Variants in PASD1 observed in about 807,000 individuals in gnomAD.
PASD1 encodes circadian clock protein PASD1.
Under a neutral mutation model 58.8 loss-of-function variants are expected in PASD1, and 13 were observed. That is an observed-to-expected ratio of 0.22 (90% CI 0.14 to 0.35). The LOEUF (loss-of-function observed/expected upper bound fraction) is 0.35, where lower values mean the gene tolerates loss of function less well. Ranked by LOEUF, PASD1 falls within the 10% of genes least tolerant of loss-of-function variation. The pLI is 1.00. For synonymous variants in PASD1, 236 were observed against 216.7 expected, an observed-to-expected ratio of 1.09 and a Z score of -0.78; for missense variants, 734 against 568.3, an observed-to-expected ratio of 1.29 and a Z score of -2.96.
In PASD1 at chrX:151,673,982, T is replaced by A. The variant is rs1287646824; in HGVS notation, c.1971T>A (p.Asp657Glu). Residue 657 changes from aspartate (D) to glutamate (E), a missense_variant, in exon 15 of 16, where the codon GAT becomes GAA. Physicochemically the swap from Asp to Glu is conservative, Grantham distance 45 (BLOSUM62 2). Transcript: ENST00000370357. ...CCGTGAACCAGCTGCCATTGATAGA[T>A]ACCTCAAACTCTGAGGCAATTTCTT... Reference protein sequence around the residue: ...GPPVNQLPLIDTSNSEAISSS... With the variant: ...GPPVNQLPLIETSNSEAISSS... 3.3e-6 allele frequency: 4 copies of A among 1,208,962 alleles called. No homozygotes were observed. Among genetic ancestry groups the A allele is most frequent in the Non-Finnish European group, 4.5e-6 (4 of 894,012 alleles).
In PASD1 at chrX:151,611,655, C is replaced by T. The variant is rs765786996; in HGVS notation, c.118-9C>T. ...CTATTTAATTACATTATTATTCTCT[C>T]GTCATTAGTTATTAGATGGCTTTAT... On this transcript the variant is annotated splice_polypyrimidine_tract_variant and intron_variant, in intron 3 of 15. Coordinates refer to ENST00000370357, the MANE Select transcript of PASD1 (RefSeq NM_173493.3). 7.4e-5 allele frequency: 84 copies of T among 1,139,483 alleles called. 1 individual carries two copies. The highest frequency in any genetic ancestry group is 4.8e-4 in the Middle Eastern group (2 of 4,163). 93.9% of individuals were successfully genotyped at this position (1,139,483 alleles called of 1,213,427 possible).
intron 1 of PASD1, among the ~76,000 whole-genome samples, chrX:151,575,255 T>G (rs1292893496): frequency 9.1e-6 from 1 of 109,952 alleles, no homozygotes; most frequent in African/African-American, 3.3e-5. Context: ...CATTCCCAGT[T>G]TCTCCAATCA....
At chrX:151,577,664 A>G (rs1316758537) in intron 1 of PASD1, among the ~76,000 whole-genome samples, 1 of 111,696 alleles carries the variant, frequency 9.0e-6, no homozygotes, top group Non-Finnish European at 1.9e-5. Flanking sequence ...AGCTGGGACT[A>G]CAGGCATCCG....
intron 8 of PASD1, among the ~76,000 whole-genome samples, chrX:151,646,826 A>T (rs1392837178): frequency 8.9e-6 from 1 of 112,919 alleles, no homozygotes. Flanking sequence ...TCCATTAAGC[A>T]CATAGTAATT....
intron 5 of PASD1, 62 bp from the exon 6 acceptor site, chrX:151,621,420 T>C (rs1158598964): frequency 3.6e-6 from 3 of 841,016 alleles, no homozygotes; most frequent in Non-Finnish European, 5.1e-6. Flanking sequence ...TATGAAATAA[T>C]CCAGTAGAAT....
intron 2 of PASD1, among the ~76,000 whole-genome samples, chrX:151,603,266 C>T (rs1609627): frequency 9.0e-6 from 1 of 111,634 alleles, no homozygotes; most frequent in African/African-American, 3.3e-5. Flanking sequence ...AAGAGGTTCA[C>T]TTTAACAACA....
At chrX:151,610,767 T>C (rs2013546210) in intron 3 of PASD1, among the ~76,000 whole-genome samples, 1 of 111,778 alleles carries the variant, frequency 8.9e-6, no homozygotes, top group African/African-American at 3.3e-5. Context: ...AGGTAGTATA[T>C]GAATTCTAGC....
At chrX:151,623,580 T>C (rs911387124) in intron 7 of PASD1, among the ~76,000 whole-genome samples, 6 of 112,160 alleles carry the variant, frequency 5.3e-5, no homozygotes, top group African/African-American at 1.9e-4. Context: ...ACATATATAG[T>C]AAGTACCTAC....
intron 3 of PASD1, among the ~76,000 whole-genome samples, chrX:151,605,524 G>A (rs986626751): frequency 9.0e-6 from 1 of 110,808 alleles, no homozygotes; most frequent in Non-Finnish European, 1.9e-5. Flanking sequence ...CAATGTTAGG[G>A]GCAAAATTCT....
At chrX:151,658,147 C>A (rs148264758) in intron 9 of PASD1, among the ~76,000 whole-genome samples, 88 of 111,953 alleles carry the variant, frequency 7.9e-4, no homozygotes, top group African/African-American at 2.8e-3. Context: ...ACCCATGCCT[C>A]TCTTTTCAAA....
chrX:151,665,468 A>G (rs1158348156), intron 11 of PASD1, among the ~76,000 whole-genome samples: 1 of 112,130 alleles, frequency 8.9e-6, no homozygotes, highest in Non-Finnish European at 1.9e-5. Context: ...CCTGGGTGCC[A>G]TGTATCAGCA....
At chrX:151,588,455 T>C (rs2013200558) in intron 1 of PASD1, among the ~76,000 whole-genome samples, 1 of 112,162 alleles carries the variant, frequency 8.9e-6, no homozygotes, top group Non-Finnish European at 1.9e-5. Flanking sequence ...TCTTAAATGA[T>C]GTTTACATGA....
At chrX:151,591,330 CACACACATCTAT>C (rs777852874) in intron 1 of PASD1, among the ~76,000 whole-genome samples, 128 of 111,440 alleles carry the variant, frequency 1.1e-3, no homozygotes, top group African/African-American at 3.9e-3. Flanking sequence ...TGTGTGTGTA[CACACACATCTAT>C]CATACGTTTT....
At chrX:151,626,647 A>AAT (rs1232734322) in intron 8 of PASD1, among the ~76,000 whole-genome samples, 2 of 111,639 alleles carry the variant, frequency 1.8e-5, no homozygotes, top group African/African-American at 6.5e-5. Context: ...TAATATATTA[A>AAT]ATATATTAAA....
intron 11 of PASD1, among the ~76,000 whole-genome samples, chrX:151,667,088 G>C (rs1217746982): frequency 9.0e-6 from 1 of 111,629 alleles, no homozygotes; most frequent in East Asian, 2.8e-4. Context: ...TAACTGGTGT[G>C]AGATGGTATC....
chrX:151,610,535 T>G (rs2013542794), intron 3 of PASD1, among the ~76,000 whole-genome samples: 2 of 112,031 alleles, frequency 1.8e-5, no homozygotes, highest in Admixed American at 9.5e-5. Context: ...ATATGATTCT[T>G]TATTTTATTA....
In PASD1 at chrX:151,662,655, T is replaced by C. The variant is rs143916038; in HGVS notation, c.842-1464T>C. ...CAACAACAACAACAACAGGAGTTCA[T>C]TGATAGTTCCTACTCCAGCCCAGTA... On this transcript the variant is annotated intron_variant, in intron 10 of 15. Coordinates refer to ENST00000370357, the MANE Select transcript of PASD1 (RefSeq NM_173493.3). Among the ~76,000 whole-genome samples the C allele has an allele frequency of 7.7e-3, 868 of 112,052 alleles. 6 individuals carry two copies. Among genetic ancestry groups the C allele is most frequent in the African/African-American group, 0.027 (832 of 30,889 alleles).
At chrX:151,564,248 A>G (rs1028865709) in intron 1 of PASD1, among the ~76,000 whole-genome samples, 2 of 112,650 alleles carry the variant, frequency 1.8e-5, no homozygotes. Flanking sequence ...TCTGTCCGGC[A>G]GGTCTGGGGC....
chrX:151,580,372 T>C (rs1294384985), intron 1 of PASD1, among the ~76,000 whole-genome samples: 1 of 111,952 alleles, frequency 8.9e-6, no homozygotes, highest in Non-Finnish European at 1.9e-5. Flanking sequence ...ATGTGTGTTA[T>C]CTTTAGTTCC....
Sources: allele counts gnomAD v4.1 joint callset (sites outside exome capture counted in the v4.1 genomes callset), GRCh38; gene constraint gnomAD v4.1.1; transcripts MANE v1.5; gene names NCBI Gene and HGNC (gene_info 2026-07-23, HGNC 2026-07-21).